The following OPCML variants were observed in gnomAD, a reference collection of about 807,000 sequenced individuals.
OPCML encodes opioid-binding protein/cell adhesion molecule.
In OPCML, 13 loss-of-function variants were observed where a neutral mutation model predicts 37.8. The observed-to-expected ratio is 0.34, with a 90% CI of 0.22 to 0.55. The LOEUF (loss-of-function observed/expected upper bound fraction) is 0.55. Among genes scored for constraint, OPCML ranks in the 20% least tolerant of loss-of-function variants. The pLI is 0.91. For synonymous variants in OPCML, 176 were observed against 168.8 expected, an observed-to-expected ratio of 1.04 and a Z score of -0.33; for missense variants, 341 against 435.6, an observed-to-expected ratio of 0.78 and a Z score of 1.93.
At chr11:132,728,329 C>T (rs928608692) in intron 2 of OPCML, among the ~76,000 whole-genome samples, 2 of 152,200 alleles carry the variant, frequency 1.3e-5, no homozygotes, top group African/African-American at 4.8e-5. Flanking sequence ...CTCTTTCAAG[C>T]GGAGTCATGT....
At chr11:133,508,479 GT>G (rs995403184) in intron 1 of OPCML, among the ~76,000 whole-genome samples, 16 of 152,200 alleles carry the variant, frequency 1.1e-4, no homozygotes, top group African/African-American at 3.4e-4. Flanking sequence ...AAGTTAGGCA[GT>G]TTTAGTGAGG....
intron 2 of OPCML, among the ~76,000 whole-genome samples, chr11:132,924,175 G>A (rs963408229): frequency 6.6e-6 from 1 of 151,854 alleles, no homozygotes; most frequent in South Asian, 2.1e-4. Flanking sequence ...AGAGAGAAAA[G>A]AGGAAGTAAA....
intron 4 of OPCML, among the ~76,000 whole-genome samples, chr11:132,483,905 C>CA (rs1404031511): frequency 6.6e-6 from 1 of 151,890 alleles, no homozygotes; most frequent in African/African-American, 2.4e-5. Flanking sequence ...ACACCTTATA[C>CA]AAAAATCAAT....
chr11:132,852,309 T>C (rs1440827430), intron 2 of OPCML, among the ~76,000 whole-genome samples: 2 of 152,136 alleles, frequency 1.3e-5, no homozygotes, highest in Non-Finnish European at 2.9e-5. Context: ...TTTGATCTCA[T>C]TTATGTCAGT....
At chr11:132,892,660 G>C (rs1056062767) in intron 2 of OPCML, among the ~76,000 whole-genome samples, 3 of 152,092 alleles carry the variant, frequency 2.0e-5, no homozygotes, top group African/African-American at 7.2e-5. Context: ...CCAGCTACTC[G>C]GGAGGCTGAG....
intron 1 of OPCML, among the ~76,000 whole-genome samples, chr11:133,288,109 G>A (rs1942356885): frequency 6.6e-6 from 1 of 152,212 alleles, no homozygotes; most frequent in Non-Finnish European, 1.5e-5. Flanking sequence ...TAGCACTGCA[G>A]CTTCCTGCGG....
chr11:133,415,313 G>A (rs1308552034), intron 1 of OPCML, among the ~76,000 whole-genome samples: 1 of 149,404 alleles, frequency 6.7e-6, no homozygotes, highest in Admixed American at 6.6e-5. Flanking sequence ...GGGAGGCTGA[G>A]GCAGGAGAAT....
At chr11:132,437,435 A>G (rs2096017045) in intron 4 of OPCML, 76 bp from the exon 5 acceptor site, 4 of 1,563,276 alleles carry the variant, frequency 2.6e-6, no homozygotes, top group Non-Finnish European at 3.5e-6. Context: ...ACATCTAGAG[A>G]TTGTAGGAGG....
At chr11:133,487,324 C>T (rs1246697504) in intron 1 of OPCML, among the ~76,000 whole-genome samples, 1 of 152,050 alleles carries the variant, frequency 6.6e-6, no homozygotes, top group East Asian at 1.9e-4. Context: ...CTTTTGTGAT[C>T]TTTTGAAATA....
chr11:133,410,390 T>C (rs1945620169), intron 1 of OPCML, among the ~76,000 whole-genome samples: 1 of 152,146 alleles, frequency 6.6e-6, no homozygotes, highest in Non-Finnish European at 1.5e-5. Context: ...GCTCTGGCTA[T>C]GACTACATCT....
intron 1 of OPCML, among the ~76,000 whole-genome samples, chr11:133,495,846 G>C (rs1320927790): frequency 6.6e-6 from 1 of 151,964 alleles, no homozygotes; most frequent in Non-Finnish European, 1.5e-5. Flanking sequence ...CCCCCTCTGT[G>C]GGTTGTCTGT....
chr11:132,519,774 T>G (rs2096288271), intron 4 of OPCML, among the ~76,000 whole-genome samples: 1 of 152,124 alleles, frequency 6.6e-6, no homozygotes, highest in African/African-American at 2.4e-5. Flanking sequence ...CAGACACCTC[T>G]TTCTCACACT....
chr11:132,719,438 G>A (rs998095676), intron 2 of OPCML, among the ~76,000 whole-genome samples: 3 of 152,294 alleles, frequency 2.0e-5, no homozygotes, highest in Middle Eastern at 3.4e-3. Context: ...TGGGGGAGGG[G>A]TGTGACTGCG....
At chr11:132,610,029 C>CGTTGA (rs10669740) in intron 3 of OPCML, among the ~76,000 whole-genome samples, 61,508 of 151,748 alleles carry the variant, frequency 0.41, 15,793 homozygotes, top group East Asian at 0.86. Flanking sequence ...ATTCAGGTTA[C>CGTTGA]GTTAACATTT....
At chr11:133,338,989 C>T (rs188982221) in intron 1 of OPCML, among the ~76,000 whole-genome samples, 3 of 152,274 alleles carry the variant, frequency 2.0e-5, no homozygotes, top group South Asian at 2.1e-4. Flanking sequence ...AAGGACTGAG[C>T]GTGTCCAGCT....
intron 1 of OPCML, among the ~76,000 whole-genome samples, chr11:133,092,365 T>C (rs1345805763): frequency 6.6e-6 from 1 of 152,168 alleles, no homozygotes; most frequent in Admixed American, 6.5e-5. Flanking sequence ...GTCAACAAAG[T>C]GGAGCCCTTC....
intron 3 of OPCML, among the ~76,000 whole-genome samples, chr11:132,598,793 T>A (rs1295924169): frequency 6.6e-6 from 1 of 152,192 alleles, no homozygotes; most frequent in Non-Finnish European, 1.5e-5. Context: ...CGGTCAATAT[T>A]TGTGAGCATC....
chr11:132,737,705 T>C (rs1234159800), intron 2 of OPCML, among the ~76,000 whole-genome samples: 1 of 152,132 alleles, frequency 6.6e-6, no homozygotes, highest in Non-Finnish European at 1.5e-5. Flanking sequence ...TTCATGAAAA[T>C]TTTTCTTGGG....
rs1193256358 is a variant in OPCML, at chr11:132,795,113, CAG to C, written c.147-137796_147-137795del. Reference sequence around the variant, plus strand: ...TCATATACGTATACACACACACACACAGACACACACACACACACATTCAAAGA... The same window carrying C: ...TCATATACGTATACACACACACACACACACACACACACACACATTCAAAGA... On this transcript the variant is annotated intron_variant, in intron 2 of 7. Transcript: ENST00000524381. Among the ~76,000 whole-genome samples the C allele has an allele frequency of 1.5e-3, 224 of 152,068 alleles. 2 individuals carry two copies. Among genetic ancestry groups the C allele is most frequent in the South Asian group, 0.011 (52 of 4,802 alleles).
Sources: allele counts gnomAD v4.1 joint callset (sites outside exome capture counted in the v4.1 genomes callset), GRCh38; gene constraint gnomAD v4.1.1; transcripts MANE v1.5; gene names NCBI Gene and HGNC (gene_info 2026-07-23, HGNC 2026-07-21).